Variants in GARNL3 observed in about 807,000 individuals in gnomAD.
GARNL3 encodes GTPase-activating Rap/Ran-GAP domain-like protein 3.
A neutral mutation model predicts 125.0 loss-of-function variants in GARNL3; 63 were observed. The observed-to-expected ratio is 0.50, with a 90% CI of 0.41 to 0.62. GARNL3 has a LOEUF of 0.62. GARNL3 is among the 20% of genes least tolerant of loss of function. GARNL3 has a pLI of 0.00. For missense variants in GARNL3, 994 were observed against 1,244.0 expected, an observed-to-expected ratio of 0.80 and a Z score of 3.02; for synonymous variants, 439 against 457.5, an observed-to-expected ratio of 0.96 and a Z score of 0.52.
rs750579348 is a variant in GARNL3 at position 127,355,465 on chromosome 9, A to G, written c.1928A>G (p.Tyr643Cys). The change falls in exon 20 of 28, where the codon TAC (tyrosine) becomes TGC (cysteine). Residue 643 changes from tyrosine to cysteine, a missense_variant. This residue lies in a region of GARNL3 where 728 missense variants were observed against 865.7 expected (regional missense o/e 0.84). Coordinates refer to ENST00000373387, the MANE Select transcript of GARNL3 (RefSeq NM_032293.5). ...GAGTCACCTGTTGAAGAATTCCAGTACATCAGGGTAGGTTTGCTCTTTAAA... is the reference window on the plus strand; with the variant it reads ...GAGTCACCTGTTGAAGAATTCCAGTGCATCAGGGTAGGTTTGCTCTTTAAA... Reference protein sequence around the residue: ...LSESPVEEFQYIREICLSDSP... With the variant: ...LSESPVEEFQCIREICLSDSP... The G allele has an allele frequency of 6.2e-7, 1 of 1,613,964 alleles. No homozygotes were observed. Among genetic ancestry groups the G allele is most frequent in the Non-Finnish European group, 8.5e-7 (1 of 1,179,910 alleles).
chr9:127,327,029 G>T (rs970452890), intron 7 of GARNL3, among the ~76,000 whole-genome samples: 1 of 152,036 alleles, frequency 6.6e-6, no homozygotes, highest in Non-Finnish European at 1.5e-5. Flanking sequence ...TTACTTATTG[G>T]CATGGAAAGA....
chr9:127,347,316 G>A (rs559490794), intron 16 of GARNL3, among the ~76,000 whole-genome samples: 1 of 152,288 alleles, frequency 6.6e-6, no homozygotes, highest in Non-Finnish European at 1.5e-5. Flanking sequence ...CAACTACTCA[G>A]GAGGCTGAGG....
intron 2 of GARNL3, among the ~76,000 whole-genome samples, chr9:127,310,303 A>G (rs941276273): frequency 7.2e-5 from 11 of 152,226 alleles, no homozygotes; most frequent in Admixed American, 2.6e-4. Flanking sequence ...TGAAACATCT[A>G]TGTGGCCAAA....
At chr9:127,345,579 G>A (rs1354965070) in intron 16 of GARNL3, 102 bp downstream of exon 16, 2 of 753,480 alleles carry the variant, frequency 2.7e-6, no homozygotes, top group Non-Finnish European at 4.3e-6. Context: ...AGGAAGAAGA[G>A]CATGTCTACT....
intron 22 of GARNL3, among the ~76,000 whole-genome samples, chr9:127,368,564 CAG>C (rs1483713730): frequency 1.3e-5 from 2 of 150,556 alleles, no homozygotes; most frequent in African/African-American, 2.4e-5. Context: ...CTCCTGACCT[CAG>C]GTGATCCACC....
intron 2 of GARNL3, 87 bp downstream of exon 2, chr9:127,291,329 G>T: frequency 8.5e-7 from 1 of 1,181,728 alleles, no homozygotes; most frequent in South Asian, 1.3e-5. Context: ...TCTGGAAGAG[G>T]TAAATAGAGC....
intron 21 of GARNL3, among the ~76,000 whole-genome samples, chr9:127,361,386 C>T (rs7860243): frequency 0.036 from 5,505 of 152,004 alleles, 344 homozygotes; most frequent in African/African-American, 0.12. Context: ...GAATTACAGG[C>T]GTGAGCCACC....
chr9:127,388,801 A>G (rs1832681459), intron 25 of GARNL3, 103 bp from the exon 26 acceptor site: 3 of 748,574 alleles, frequency 4.0e-6, no homozygotes, highest in Non-Finnish European at 7.0e-6. Flanking sequence ...TGTGTGACAT[A>G]ACGTCTTCCT....
At position 127,279,510 on chromosome 9, in the gene GARNL3, C is replaced by A. The variant is rs1157475427; in HGVS notation, c.145-11658C>A. ...TACTGTTTTAGTTCCCTAAAATTAA[C>A]ATTTTGTTTTCCTCCTCCAGTGAAG... On this transcript the variant is annotated intron_variant, in intron 1 of 27. Coordinates refer to ENST00000373387, the MANE Select transcript of GARNL3 (RefSeq NM_032293.5). Among the ~76,000 whole-genome samples, 3 of 152,200 alleles carry A rather than the reference C, an allele frequency of 2.0e-5. No homozygotes were observed. In the East Asian group the frequency reaches 5.8e-4, roughly 29 times the overall value.
At chr9:127,286,017 CT>C (rs57359610) in intron 1 of GARNL3, among the ~76,000 whole-genome samples, 100,590 of 152,036 alleles carry the variant, frequency 0.66, 34,861 homozygotes, top group Admixed American at 0.78. Flanking sequence ...TCTTTATCCA[CT>C]TTCTCATTTT....
At chr9:127,333,184 C>T (rs1467787153) in intron 9 of GARNL3, 63 bp downstream of exon 9, 19 of 1,304,974 alleles carry the variant, frequency 1.5e-5, no homozygotes, top group East Asian at 4.6e-5. Context: ...CAGCCTGACC[C>T]GTGTCTGAAC....
intron 23 of GARNL3, among the ~76,000 whole-genome samples, chr9:127,383,910 G>A (rs983159919): frequency 5.3e-5 from 8 of 152,112 alleles, no homozygotes; most frequent in Non-Finnish European, 8.8e-5. Context: ...GACTGACCTC[G>A]GGGAGAAGCA....
intron 7 of GARNL3, among the ~76,000 whole-genome samples, chr9:127,330,348 C>G (rs1829153468): frequency 6.6e-6 from 1 of 152,132 alleles, no homozygotes; most frequent in African/African-American, 2.4e-5. Context: ...GAATAGAGGT[C>G]CCTGGAAACA....
Position 127,384,214 on chromosome 9 carries a change from A to G in GARNL3, c.2269+669A>G, listed in dbSNP as rs1832421715. Among the ~76,000 whole-genome samples, 1 of 152,182 alleles carries G rather than the reference A, an allele frequency of 6.6e-6. No homozygotes were observed. The highest frequency in any genetic ancestry group is 2.1e-4 in the South Asian group (1 of 4,826). ...CTTGATGACAGATTAGATCTGGTAGACAGGAAAGGGAGATTTTGAACCACG... is the reference window on the plus strand; with the variant it reads ...CTTGATGACAGATTAGATCTGGTAGGCAGGAAAGGGAGATTTTGAACCACG... On this transcript the variant is annotated intron_variant, in intron 23 of 27. Transcript: ENST00000373387. The surrounding 1 kb of genome is among the most constrained non-coding windows in gnomAD (Gnocchi z 4.0).
intron 24 of GARNL3, among the ~76,000 whole-genome samples, chr9:127,386,342 T>C (rs1302534489): frequency 6.6e-6 from 1 of 152,248 alleles, no homozygotes; most frequent in Non-Finnish European, 1.5e-5. Flanking sequence ...TTACTAGTAC[T>C]TTCTCCATCA....
chr9:127,244,803 G>C (rs2063267270), intron 2 of GARNL3, among the ~76,000 whole-genome samples: 1 of 152,226 alleles, frequency 6.6e-6, no homozygotes, highest in African/African-American at 2.4e-5. Context: ...AGGGAAACTA[G>C]CGAAGCCAGG....
At chr9:127,312,064 C>T (rs2065112689) in intron 3 of GARNL3, among the ~76,000 whole-genome samples, 1 of 152,152 alleles carries the variant, frequency 6.6e-6, no homozygotes, top group South Asian at 2.1e-4. Context: ...AAGGCAATTG[C>T]CCTGTCTATA....
chr9:127,236,626 T>G (rs1015144439), intron 1 of GARNL3, among the ~76,000 whole-genome samples: 5 of 152,194 alleles, frequency 3.3e-5, no homozygotes, highest in African/African-American at 1.2e-4. Flanking sequence ...AAGGTCTCAC[T>G]ATGTTGCCCT....
At chr9:127,317,106 A>C (rs1210485178) in intron 4 of GARNL3, among the ~76,000 whole-genome samples, 3 of 152,158 alleles carry the variant, frequency 2.0e-5, no homozygotes, top group Admixed American at 2.0e-4. Context: ...GACGATTAGG[A>C]AGAGAATAGC....
Sources: gnomAD v4.1 joint callset for allele counts (sites outside exome capture counted in the v4.1 genomes callset) on GRCh38, gnomAD v4.1.1 for gene constraint, gnomAD v4.1.1 regional missense constraint, Gnocchi (gnomAD v3.1) non-coding constraint, MANE v1.5 for transcripts, NCBI Gene and HGNC (gene_info 2026-07-23, HGNC 2026-07-21) for gene names.